Variants in ELK3 observed in about 807,000 individuals in gnomAD.
The protein encoded by ELK3 is ETS domain-containing protein Elk-3.
In ELK3, 10 loss-of-function variants were observed where a neutral mutation model predicts 28.9. The ratio of observed to expected loss-of-function variants is 0.35; its 90% confidence interval spans 0.21 to 0.59. ELK3 has a LOEUF of 0.59. ELK3 is among the 20% of genes least tolerant of loss of function. ELK3 has a pLI of 0.82. For synonymous variants in ELK3, 272 were observed against 243.5 expected, an observed-to-expected ratio of 1.12 and a Z score of -1.09; for missense variants, 463 against 517.3, an observed-to-expected ratio of 0.90 and a Z score of 1.02.
At chr12:96,195,859 A>G (rs922880532) in intron 1 of ELK3, among the ~76,000 whole-genome samples, 2 of 152,094 alleles carry the variant, frequency 1.3e-5, no homozygotes, top group African/African-American at 4.8e-5. Flanking sequence ...GTAGTGTTCG[A>G]GGGGTCCCCC....
At chr12:96,246,090 G>A (rs1239923938) in intron 2 of ELK3, among the ~76,000 whole-genome samples, 1 of 152,170 alleles carries the variant, frequency 6.6e-6, no homozygotes, top group Non-Finnish European at 1.5e-5. Flanking sequence ...ATGATAACTT[G>A]CATTTTATAA....
intron 2 of ELK3, among the ~76,000 whole-genome samples, chr12:96,235,568 T>C (rs1803213369): frequency 6.6e-6 from 1 of 152,106 alleles, no homozygotes; most frequent in South Asian, 2.1e-4. Context: ...AGAAAGCGTC[T>C]TGCCCTACCT....
chr12:96,262,934 T>C lies in ELK3; in HGVS notation c.1125+3081T>C, dbSNP rs138115285. On this transcript the variant is annotated intron_variant, in intron 4 of 4. Transcript: ENST00000228741. Reference sequence around the variant, plus strand: ...TCTGGAGTAGCTGGGACTACAGGCATACCACCACGCTGGCCAACATCCCTT... The same window carrying C: ...TCTGGAGTAGCTGGGACTACAGGCACACCACCACGCTGGCCAACATCCCTT... Among the ~76,000 whole-genome samples, 623 of 152,198 alleles carry C rather than the reference T, an allele frequency of 4.1e-3. 2 individuals carry two copies. Among genetic ancestry groups the C allele is most frequent in the African/African-American group, 0.014 (573 of 41,522 alleles).
intron 2 of ELK3, among the ~76,000 whole-genome samples, chr12:96,246,497 A>T (rs1951856309): frequency 6.6e-6 from 1 of 152,206 alleles, no homozygotes; most frequent in African/African-American, 2.4e-5. Flanking sequence ...TCCACAAAAA[A>T]TAAAAATGTA....
intron 2 of ELK3, among the ~76,000 whole-genome samples, chr12:96,236,497 C>T (rs931465151): frequency 6.6e-6 from 1 of 152,168 alleles, no homozygotes; most frequent in African/African-American, 2.4e-5. Context: ...TCCCGGGAGC[C>T]GACAGAGTTG....
chr12:96,223,508 G>A (rs926655500), intron 1 of ELK3, 57 bp from the exon 2 acceptor site: 55 of 1,580,508 alleles, frequency 3.5e-5, no homozygotes, highest in African/African-American at 1.3e-5. Flanking sequence ...CTCTCTCCTC[G>A]CCAAGTTTGG....
intron 1 of ELK3, among the ~76,000 whole-genome samples, chr12:96,218,928 G>A (rs111427084): frequency 0.02 from 3,043 of 152,250 alleles, 104 homozygotes; most frequent in African/African-American, 0.069. Flanking sequence ...GATTACAGGC[G>A]TGAGCCACCG....
At chr12:96,259,108 T>C (rs1951973562) in intron 3 of ELK3, among the ~76,000 whole-genome samples, 1 of 152,246 alleles carries the variant, frequency 6.6e-6, no homozygotes, top group Admixed American at 6.5e-5. Context: ...TGTATACTAA[T>C]CCTTGTTTAA....
chr12:96,196,424 G>C (rs995229663), intron 1 of ELK3, among the ~76,000 whole-genome samples: 1 of 151,954 alleles, frequency 6.6e-6, no homozygotes, highest in African/African-American at 2.4e-5. Flanking sequence ...TTGGGGGTGG[G>C]GGGGGTGTGG....
intron 2 of ELK3, among the ~76,000 whole-genome samples, chr12:96,239,221 CTTTTA>C (rs949615152): frequency 6.6e-6 from 1 of 152,090 alleles, no homozygotes; most frequent in Non-Finnish European, 1.5e-5. Context: ...TTTCTACCTC[CTTTTA>C]TTTACACATA....
Position 96,233,409 on chromosome 12 carries a change from A to C in ELK3, c.207+9636A>C, listed in dbSNP as rs193270202. 3.2e-3 allele frequency among the ~76,000 whole-genome samples: 484 copies of C among 152,270 alleles called. 2 individuals carry two copies. The highest frequency in any genetic ancestry group is 5.0e-3 in the Non-Finnish European group (338 of 68,022). The stretch of plus-strand genomic sequence containing the variant: ...AGAGAGGAAAATGGTGATAGGATGA[A>C]AAATCCTCCCGTCTCCACAGCAACC... On this transcript the variant is annotated intron_variant, in intron 2 of 4. Transcript: ENST00000228741.
intron 1 of ELK3, among the ~76,000 whole-genome samples, chr12:96,214,354 C>T (rs1050055684): frequency 2.0e-5 from 3 of 151,932 alleles, no homozygotes; most frequent in Non-Finnish European, 4.4e-5. Context: ...TCACTTGAAC[C>T]TGGGAGGCGG....
chr12:96,224,305 T>C (rs762941474), intron 2 of ELK3, among the ~76,000 whole-genome samples: 8 of 152,116 alleles, frequency 5.3e-5, no homozygotes, highest in Non-Finnish European at 1.2e-4. Context: ...AGCCATTACA[T>C]GTAAGTACTT....
chr12:96,260,450 T>G (rs11108448), intron 4 of ELK3, among the ~76,000 whole-genome samples: 330 of 152,362 alleles, frequency 2.2e-3, no homozygotes, highest in Middle Eastern at 6.8e-3. Flanking sequence ...ATTTTATGAA[T>G]CATCATTAAG....
chr12:96,231,744 A>G (rs549036224), intron 2 of ELK3, among the ~76,000 whole-genome samples: 1 of 152,276 alleles, frequency 6.6e-6, no homozygotes, highest in Admixed American at 6.5e-5. Flanking sequence ...TCGGCCTCCC[A>G]AAGCGCTGGG....
At chr12:96,214,455 C>CA (rs113949362) in intron 1 of ELK3, among the ~76,000 whole-genome samples, 632 of 139,258 alleles carry the variant, frequency 4.5e-3, no homozygotes, top group East Asian at 9.2e-3. Flanking sequence ...AACAAACAAA[C>CA]AAAAAAAAAA....
intron 1 of ELK3, among the ~76,000 whole-genome samples, chr12:96,197,319 GTAGA>G (rs1340407742): frequency 6.6e-6 from 1 of 152,152 alleles, no homozygotes; most frequent in Non-Finnish European, 1.5e-5. Context: ...CTTCTGGAGG[GTAGA>G]CGCCAGGGGT....
intron 3 of ELK3, among the ~76,000 whole-genome samples, chr12:96,253,199 G>GC (rs1479772970): frequency 6.6e-6 from 1 of 152,232 alleles, no homozygotes; most frequent in Non-Finnish European, 1.5e-5. Flanking sequence ...GGTGGAGGTT[G>GC]TGATGAGCCG....
chr12:96,250,363 T>C (rs1951893706), intron 3 of ELK3, among the ~76,000 whole-genome samples: 1 of 152,178 alleles, frequency 6.6e-6, no homozygotes, highest in African/African-American at 2.4e-5. Flanking sequence ...AGTTGAGTTC[T>C]TGCAGCCGGT....
Sources: gnomAD v4.1 joint callset for allele counts (sites outside exome capture counted in the v4.1 genomes callset) on GRCh38, gnomAD v4.1.1 for gene constraint, MANE v1.5 for transcripts, NCBI Gene and HGNC (gene_info 2026-07-23, HGNC 2026-07-21) for gene names.